MRPL15: variants seen among roughly 807,000 people sequenced by gnomAD.
MRPL15 encodes mitochondrial ribosomal protein L15, also known as large ribosomal subunit protein uL15m.
MRPL15 carries 24 observed loss-of-function variants against 28.0 expected under a neutral mutation model. The observed-to-expected ratio is 0.86, with a 90% CI of 0.62 to 1.21. MRPL15 has a LOEUF of 1.21. MRPL15 is among the 50% of genes most tolerant of loss of function. The probability of loss-of-function intolerance (pLI) is 0.00; values close to 1 mark genes in which losing one functional copy is unlikely to be tolerated. For synonymous variants in MRPL15, 124 were observed against 137.0 expected (o/e 0.90, Z 0.66); for missense variants, 343 against 372.4 (o/e 0.92, Z 0.65).
Position 54,135,272 on chromosome 8 carries a change from G to C in MRPL15, c.-12G>C, listed in dbSNP as rs1311924389. On this transcript the variant is annotated 5_prime_UTR_variant, in exon 1 of 5. Coordinates refer to ENST00000260102, the MANE Select transcript of MRPL15 (RefSeq NM_014175.4). ...CTCAGGGCGCCCTTGAAAGTTCTTG[G>C]ATCTGCGGGTTATGGCCGGTCCCTT... The C allele has an allele frequency of 1.5e-6, 2 of 1,329,244 alleles. No individual in the cohort carries two copies. The highest frequency in any genetic ancestry group is 1.9e-6 in the Non-Finnish European group (2 of 1,029,870). 82.3% of individuals were successfully genotyped at this position (1,329,244 alleles called of 1,614,324 possible).
chr8:54,137,358 A>T lies in MRPL15; in HGVS notation c.354A>T (p.Leu118Phe), dbSNP rs1277608661. The T allele has an allele frequency of 2.5e-6, 4 of 1,614,016 alleles. No homozygotes were observed. The highest frequency in any genetic ancestry group is 1.7e-4 in the Middle Eastern group (1 of 6,032). The change falls in exon 3 of 5, where the codon TTA (leucine) becomes TTT (phenylalanine). Residue 118 changes from leucine (L) to phenylalanine (F), a missense_variant. By Grantham distance (22) the Leu-to-Phe change is conservative. Transcript: ENST00000260102. ...GRVDPSQPID[L>F]TQLVNGRGVT... ...TTGATCCTAGTCAACCTATTGACTT[A>T]ACCCAGCTTGTCAATGGGAGAGGTG... is the stretch of plus-strand genomic sequence containing the variant.
At position 54,138,190 on chromosome 8, in the gene MRPL15, G is replaced by A. The variant is rs563880784; in HGVS notation, c.429+757G>A. ...AAGCTGGTCTTGAACACCTGACCTC[G>A]TGATCCACCCACCTTGGCCTCCCAA... On this transcript the variant is annotated intron_variant, in intron 3 of 4. Transcript: ENST00000260102. 6.7e-4 allele frequency among the ~76,000 whole-genome samples: 101 copies of A among 150,964 alleles called. No homozygotes were observed. The Middle Eastern group carries it at 0.01, about 15-fold the overall frequency.
chr8:54,145,999 C>A (rs1269630776), intron 4 of MRPL15, among the ~76,000 whole-genome samples: 2 of 152,182 alleles, frequency 1.3e-5, no homozygotes, highest in Non-Finnish European at 2.9e-5. Flanking sequence ...ATCACCATTT[C>A]TCATTTGCCC....
At chr8:54,137,515 G>C in intron 3 of MRPL15, 82 bp downstream of exon 3, 1 of 1,327,908 alleles carries the variant, frequency 7.5e-7, no homozygotes, top group South Asian at 1.4e-5. Flanking sequence ...CTGAGCTGGA[G>C]TACAGTGGCG....
Position 54,135,260 on chromosome 8 carries a change from T to TA in MRPL15, c.-24_-23insA. On this transcript the variant is annotated 5_prime_UTR_variant, in exon 1 of 5. Transcript: ENST00000260102. ...GCCTCCGAGCAGCTCAGGGCGCCCT[T>TA]GAAAGTTCTTGGATCTGCGGGTTAT... The TA allele has an allele frequency of 7.7e-7, 1 of 1,304,770 alleles. No individual in the cohort carries two copies. The highest frequency in any genetic ancestry group is 2.3e-5 in the South Asian group (1 of 43,842). The allele number at this position is 1,304,770 out of a possible 1,614,324, so 80.8% of individuals were successfully genotyped here.
rs1247631103 is a variant in MRPL15, at chr8:54,137,294, G to A, written c.290G>A (p.Ser97Asn). ...TTCAGACGCCAGTATAAGCCTTTGAGTCTCAATAGACTGCAGTATCTTATT... is the reference window on the plus strand; with the variant it reads ...TTCAGACGCCAGTATAAGCCTTTGAATCTCAATAGACTGCAGTATCTTATT... The part of the protein sequence containing the change: ...HSFRRQYKPL[S>N]LNRLQYLIDL... Residue 97 changes from serine (S) to asparagine (N), a missense_variant, in exon 3 of 5, where the codon AGT (serine) becomes AAT (asparagine). By Grantham distance (46) the Ser-to-Asn change is conservative. Coordinates refer to ENST00000260102, the MANE Select transcript of MRPL15 (RefSeq NM_014175.4). The A allele has an allele frequency of 6.2e-7, 1 of 1,613,802 alleles. No homozygotes were observed. Among genetic ancestry groups the A allele is most frequent in the Non-Finnish European group, 8.5e-7 (1 of 1,179,988 alleles).
rs1222172361 is a variant in MRPL15 at position 54,146,108 on chromosome 8, A to AGATACTGTTCCAGCTGATG, written c.554-1271_554-1253dup. On this transcript the variant is annotated intron_variant, in intron 4 of 4. Transcript: ENST00000260102. ...AAACAGCCAGAGGCTAGTGTTTGCT[A>AGATACTGTTCCAGCTGATG]GATACTGTTCCAGCTGATGGAGAGA... Among the ~76,000 whole-genome samples, 748 of 152,354 alleles carry AGATACTGTTCCAGCTGATG rather than the reference A, an allele frequency of 4.9e-3. 6 individuals carry two copies. Among genetic ancestry groups the AGATACTGTTCCAGCTGATG allele is most frequent in the African/African-American group, 0.016 (673 of 41,578 alleles).
Position 54,147,709 on chromosome 8 carries a change from A to T in MRPL15, c.881A>T (p.Tyr294Phe), listed in dbSNP as rs1227610219. The change falls in exon 5 of 5, where the codon TAT becomes TTT. Residue 294 changes from tyrosine to phenylalanine, a missense_variant. By Grantham distance (22) the Tyr-to-Phe change is conservative. Transcript: ENST00000260102. The part of the protein sequence containing the change: ...KPTDENLLKY[Y>F]TS ...ACAGATGAAAATCTCCTTAAGTATTATACCTCATGAATTCCCGTCCAAGGA... is the reference window on the plus strand; with the variant it reads ...ACAGATGAAAATCTCCTTAAGTATTTTACCTCATGAATTCCCGTCCAAGGA... 1 of 1,606,812 alleles carries T rather than the reference A, an allele frequency of 6.2e-7. No homozygotes were observed. The highest frequency in any genetic ancestry group is 8.5e-7 in the Non-Finnish European group (1 of 1,176,154).
intron 4 of MRPL15, among the ~76,000 whole-genome samples, chr8:54,144,001 C>A (rs1252400119): frequency 6.6e-6 from 1 of 151,908 alleles, no homozygotes; most frequent in East Asian, 1.9e-4. Context: ...GGTGTGCACA[C>A]GCACACACGC....
rs1380452275 is a variant in MRPL15, at chr8:54,135,476, C to T, written c.108+85C>T. The T allele has an allele frequency of 8.7e-6, 10 of 1,145,636 alleles. No homozygotes were observed. In the East Asian group the frequency reaches 2.1e-4, roughly 24 times the overall value. The allele number at this position is 1,145,636 out of a possible 1,614,324, so 71.0% of individuals were successfully genotyped here. ...TCTCTCCCTGTCATTAGGAGAACTG[C>T]CCTTTCTAGGAGAGTGTTGGGATGA... is the stretch of plus-strand genomic sequence containing the variant. On this transcript the variant is annotated intron_variant, in intron 1 of 4. Transcript: ENST00000260102.
intron 3 of MRPL15, among the ~76,000 whole-genome samples, chr8:54,140,417 A>G (rs757483375): frequency 2.6e-5 from 4 of 151,622 alleles, no homozygotes; most frequent in Admixed American, 2.6e-4. Context: ...ACATGCCACC[A>G]TGCCCGGCTA....
At chr8:54,137,484 G>A in intron 3 of MRPL15, 51 bp downstream of exon 3, 1 of 1,552,464 alleles carries the variant, frequency 6.4e-7, no homozygotes, top group Non-Finnish European at 8.8e-7. Flanking sequence ...TTTTTTTTTA[G>A]ACAGAGTCTT....
At chr8:54,143,085 C>G (rs996199521) in intron 4 of MRPL15, among the ~76,000 whole-genome samples, 1 of 151,896 alleles carries the variant, frequency 6.6e-6, no homozygotes, top group East Asian at 1.9e-4. Flanking sequence ...TCTCTTTTCT[C>G]TCTTTTTTTT....
intron 4 of MRPL15, 51 bp from the exon 5 acceptor site, chr8:54,147,331 T>C (rs762688615): frequency 2.0e-5 from 28 of 1,375,828 alleles, no homozygotes; most frequent in Non-Finnish European, 2.4e-5. Context: ...TCTAGGTATG[T>C]CTATGAGCTA....
Position 54,144,578 on chromosome 8 carries a change from G to A in MRPL15, c.553+1792G>A, listed in dbSNP as rs575650492. ...ATGAGGTCAGGAGTTCTAGACCAGCGTGGCCAACATGGTGAAACCTCATCT... is the reference window on the plus strand; with the variant it reads ...ATGAGGTCAGGAGTTCTAGACCAGCATGGCCAACATGGTGAAACCTCATCT... On this transcript the variant is annotated intron_variant, in intron 4 of 4. Coordinates refer to ENST00000260102, the MANE Select transcript of MRPL15 (RefSeq NM_014175.4). Among the ~76,000 whole-genome samples, 18 of 152,152 alleles carry A rather than the reference G, an allele frequency of 1.2e-4. No individual in the cohort carries two copies. In the South Asian group the frequency reaches 3.3e-3, roughly 28 times the overall value.
chr8:54,135,685 C>T (rs1444635693), intron 1 of MRPL15, among the ~76,000 whole-genome samples: 2 of 151,192 alleles, frequency 1.3e-5, no homozygotes, highest in African/African-American at 4.9e-5. Flanking sequence ...CCATCACGCC[C>T]GGCTAATTTT....
intron 2 of MRPL15, 66 bp downstream of exon 2, chr8:54,136,731 T>G: frequency 6.6e-7 from 1 of 1,518,638 alleles, no homozygotes; most frequent in Non-Finnish European, 8.9e-7. Flanking sequence ...TAAAAATAGT[T>G]TGGTAGAAAT....
Position 54,147,546 on chromosome 8 carries a change from T to A in MRPL15, c.718T>A (p.Tyr240Asn). The A allele has an allele frequency of 6.2e-7, 1 of 1,614,122 alleles. No homozygotes were observed. The highest frequency in any genetic ancestry group is 1.1e-5 in the South Asian group (1 of 91,080). ...AGCACGACTTGAACTCGCCAGGAAG[T>A]ATGGTTATATCTTACCTGATATCAC... The part of the protein sequence containing the change: ...PEARLELARK[Y>N]GYILPDITKD... The change falls in exon 5 of 5, where the codon TAT becomes AAT. Residue 240 changes from tyrosine (Y) to asparagine (N), a missense_variant. Physicochemically the swap from Tyr to Asn is moderately radical, Grantham distance 143. Coordinates refer to ENST00000260102, the MANE Select transcript of MRPL15 (RefSeq NM_014175.4).
chr8:54,141,351 T>A (rs1810923071), intron 3 of MRPL15, among the ~76,000 whole-genome samples: 1 of 152,204 alleles, frequency 6.6e-6, no homozygotes, highest in South Asian at 2.1e-4. Context: ...TTTCCATCTA[T>A]GAAGTCGGTA....
Sources: gnomAD v4.1 joint callset for allele counts (sites outside exome capture counted in the v4.1 genomes callset) on GRCh38, gnomAD v4.1.1 for gene constraint, MANE v1.5 for transcripts, NCBI Gene and HGNC (gene_info 2026-07-23, HGNC 2026-07-21) for gene names.